SAMMSON: variants seen among roughly 807,000 people sequenced by gnomAD.
SAMMSON encodes the protein survival associated mitochondrial melanoma specific oncogenic non-coding RNA, also known as long intergenic non-protein coding RNA 1212.
chr3:70,334,997 T>G (rs980752597), intron 7 of SAMMSON, among the ~76,000 whole-genome samples: 1 of 151,966 alleles, frequency 6.6e-6, no homozygotes, highest in African/African-American at 2.4e-5. Flanking sequence ...GGGAAAAAAG[T>G]TGATTTGCTT....
intron 4 of SAMMSON, among the ~76,000 whole-genome samples, chr3:70,189,236 G>T (rs117095801): frequency 1.3e-5 from 2 of 152,096 alleles, no homozygotes; most frequent in South Asian, 4.1e-4. Context: ...TGCATAGATG[G>T]TATTAGTTAT....
intron 2 of SAMMSON, among the ~76,000 whole-genome samples, chr3:70,428,564 C>G (rs1030439131): frequency 6.6e-6 from 1 of 152,116 alleles, no homozygotes; most frequent in Non-Finnish European, 1.5e-5. Flanking sequence ...AATGCTAATG[C>G]GAGTGTTGTA....
At chr3:70,262,741 T>G (rs1701878730) in intron 6 of SAMMSON, among the ~76,000 whole-genome samples, 1 of 152,164 alleles carries the variant, frequency 6.6e-6, no homozygotes, top group Admixed American at 6.5e-5. Flanking sequence ...TGTAAGTTTA[T>G]AGTTTTCATC....
chr3:70,041,304 G>A (rs1011243278), intron 3 of SAMMSON, among the ~76,000 whole-genome samples: 3 of 152,046 alleles, frequency 2.0e-5, no homozygotes, highest in Non-Finnish European at 4.4e-5. Flanking sequence ...ATTTTTAAAG[G>A]GCAAGTGTGA....
Position 70,025,434 on chromosome 3 carries a change from G to T in SAMMSON, n.417+11762G>T, listed in dbSNP as rs890856433. On this transcript the variant is annotated intron_variant and non_coding_transcript_variant, in intron 3 of 9. Transcript: ENST00000642114. Reference sequence around the variant, plus strand: ...TAAGTTTTGTATTTAGTAGAGAAGGGGTTTCACCATGCTGACCAGGCTGGT... The same window carrying T: ...TAAGTTTTGTATTTAGTAGAGAAGGTGTTTCACCATGCTGACCAGGCTGGT... Among the ~76,000 whole-genome samples the T allele has an allele frequency of 5.9e-5, 9 of 152,152 alleles. 2 individuals are homozygous for T. In the South Asian group the frequency reaches 1.5e-3, roughly 25 times the overall value.
intron 3 of SAMMSON, among the ~76,000 whole-genome samples, chr3:70,029,331 G>A (rs1445977450): frequency 1.3e-5 from 2 of 152,080 alleles, no homozygotes; most frequent in Non-Finnish European, 2.9e-5. Context: ...TTGAACAATG[G>A]ATGAGACCAA....
At chr3:70,292,763 TAAAGA>T (rs1400556497) in intron 7 of SAMMSON, among the ~76,000 whole-genome samples, 1 of 152,020 alleles carries the variant, frequency 6.6e-6, no homozygotes, top group African/African-American at 2.4e-5. Context: ...TGTTTGCAGA[TAAAGA>T]AAAGAATTAT....
In SAMMSON at chr3:70,060,118, T is replaced by C. The variant is rs1186409941; in HGVS notation, n.418-11358T>C. On this transcript the variant is annotated intron_variant and non_coding_transcript_variant, in intron 3 of 9. Coordinates refer to ENST00000642114, the Ensembl canonical transcript of SAMMSON. Reference sequence around the variant, plus strand: ...AAAGGAAGAAGAAAATTGGGATTTGTTGAGAATTAGATGCAGGAGAATCAC... The same window carrying C: ...AAAGGAAGAAGAAAATTGGGATTTGCTGAGAATTAGATGCAGGAGAATCAC... Among the ~76,000 whole-genome samples the C allele has an allele frequency of 2.6e-5, 4 of 152,118 alleles. No individual in the cohort carries two copies. In the East Asian group the frequency reaches 7.7e-4, roughly 29 times the overall value.
intron 7 of SAMMSON, among the ~76,000 whole-genome samples, chr3:70,321,931 G>A (rs1344631891): frequency 1.3e-5 from 2 of 152,006 alleles, no homozygotes; most frequent in Non-Finnish European, 2.9e-5. Context: ...GTATTACTTT[G>A]TTAAAGATAT....
At chr3:70,096,361 T>C (rs1289833739) in intron 4 of SAMMSON, among the ~76,000 whole-genome samples, 2 of 152,134 alleles carry the variant, frequency 1.3e-5, no homozygotes, top group African/African-American at 4.8e-5. Flanking sequence ...CTGGGCAACA[T>C]ACTGGGACCT....
intron 7 of SAMMSON, among the ~76,000 whole-genome samples, chr3:70,316,028 T>G (rs756112193): frequency 6.6e-6 from 1 of 152,178 alleles, no homozygotes; most frequent in African/African-American, 2.4e-5. Context: ...TAACTGCAAA[T>G]GTACACTTCT....
At chr3:70,126,777 A>G in intron 4 of SAMMSON, 2 of 226,440 alleles carry the variant, frequency 8.8e-6, no homozygotes, top group South Asian at 1.3e-4. Context: ...GTGCAGTGGC[A>G]CAGTCTCTAC....
At chr3:70,084,124 G>A (rs1367064871) in intron 4 of SAMMSON, among the ~76,000 whole-genome samples, 1 of 152,114 alleles carries the variant, frequency 6.6e-6, no homozygotes, top group Admixed American at 6.5e-5. Flanking sequence ...TTTCACATCA[G>A]GATGCCCATC....
chr3:70,024,206 A>G (rs1244387406), intron 3 of SAMMSON, among the ~76,000 whole-genome samples: 1 of 152,204 alleles, frequency 6.6e-6, no homozygotes, highest in East Asian at 1.9e-4. Flanking sequence ...TGAGCGGTAC[A>G]AGTCTAGACA....
At chr3:70,274,740 T>G (rs1410048349) in intron 6 of SAMMSON, among the ~76,000 whole-genome samples, 1 of 152,156 alleles carries the variant, frequency 6.6e-6, no homozygotes, top group East Asian at 1.9e-4. Context: ...ATCCTGCACA[T>G]GTACCTTGGA....
intron 4 of SAMMSON, among the ~76,000 whole-genome samples, chr3:70,108,445 A>ATTTTTT (rs1576123878): frequency 2.3e-5 from 1 of 42,882 alleles, no homozygotes; most frequent in African/African-American, 9.3e-5. Context: ...TTTTTTTATC[A>ATTTTTT]TAACTCACCT....
At chr3:70,159,090 T>G (rs1307707004) in intron 4 of SAMMSON, among the ~76,000 whole-genome samples, 2 of 152,112 alleles carry the variant, frequency 1.3e-5, no homozygotes, top group African/African-American at 4.8e-5. Flanking sequence ...ATTGTTTACT[T>G]AAAATGATTT....
chr3:70,372,742 T>G (rs1481984980), intron 9 of SAMMSON, among the ~76,000 whole-genome samples: 1 of 152,208 alleles, frequency 6.6e-6, no homozygotes, highest in East Asian at 1.9e-4. Context: ...ATCAAAAGTT[T>G]TAAATTTTCA....
intron 3 of SAMMSON, chr3:70,025,168 A>G (rs2067032556): frequency 6.6e-6 from 1 of 152,234 alleles, no homozygotes; most frequent in South Asian, 2.1e-4. Flanking sequence ...AATTTAGAGA[A>G]AAAGATATTT....
Sources: allele counts gnomAD v4.1 joint callset (sites outside exome capture counted in the v4.1 genomes callset), GRCh38; gene constraint gnomAD v4.1.1; transcripts MANE v1.5; gene names NCBI Gene and HGNC (gene_info 2026-07-23, HGNC 2026-07-21).